The following ITPR2 variants were observed in gnomAD, a reference collection of about 807,000 sequenced individuals.
The protein encoded by ITPR2 is inositol 1,4,5-trisphosphate receptor type 2.
In ITPR2, 207 loss-of-function variants were observed where a neutral mutation model predicts 317.1. That is an observed-to-expected ratio of 0.65 (90% CI 0.58 to 0.73). The LOEUF (loss-of-function observed/expected upper bound fraction) is 0.73. ITPR2 is among the 30% of genes least tolerant of loss of function. The pLI, the probability that ITPR2 is intolerant of heterozygous loss-of-function variation, is 0.00. For synonymous variants in ITPR2, 1,156 were observed against 1,149.1 expected, an observed-to-expected ratio of 1.01 and a Z score of -0.12; for missense variants, 2,613 against 3,284.0, an observed-to-expected ratio of 0.80 and a Z score of 4.99.
chr12:26,619,454 A>C (rs1021817566), intron 26 of ITPR2, among the ~76,000 whole-genome samples: 1 of 152,150 alleles, frequency 6.6e-6, no homozygotes, highest in Non-Finnish European at 1.5e-5. Context: ...CTTTTACTTA[A>C]TCTAAACTAA....
At chr12:26,626,423 T>G (rs1380345313) in intron 23 of ITPR2, among the ~76,000 whole-genome samples, 1 of 152,006 alleles carries the variant, frequency 6.6e-6, no homozygotes, top group Non-Finnish European at 1.5e-5. Context: ...AGAGAAAGGG[T>G]TTTCTGGGGT....
At chr12:26,371,179 A>G (rs1204799263) in intron 55 of ITPR2, among the ~76,000 whole-genome samples, 1 of 152,184 alleles carries the variant, frequency 6.6e-6, no homozygotes, top group East Asian at 1.9e-4. Flanking sequence ...CTGATATTTC[A>G]GTCATTAAAA....
chr12:26,619,479 G>C (rs1006649874), intron 26 of ITPR2, among the ~76,000 whole-genome samples: 5 of 152,154 alleles, frequency 3.3e-5, no homozygotes, highest in Admixed American at 1.3e-4. Context: ...GTACTCCACT[G>C]GTGTAGAGTT....
At chr12:26,621,489 C>A (rs1033075497) in intron 25 of ITPR2, among the ~76,000 whole-genome samples, 193 bp from the exon 26 acceptor site, 2 of 152,020 alleles carry the variant, frequency 1.3e-5, no homozygotes, top group Admixed American at 1.3e-4. Flanking sequence ...TTAAAAGATA[C>A]CCTAACTTTA....
At chr12:26,502,601 G>A (rs1943094364) in intron 37 of ITPR2, among the ~76,000 whole-genome samples, 1 of 152,090 alleles carries the variant, frequency 6.6e-6, no homozygotes. Flanking sequence ...CCAAAGACTG[G>A]GGAAAATGGA....
chr12:26,529,929 T>C (rs2136957487), intron 37 of ITPR2, among the ~76,000 whole-genome samples: 1 of 152,356 alleles, frequency 6.6e-6, no homozygotes, highest in South Asian at 2.1e-4. Flanking sequence ...TTTGTTTTCT[T>C]TCACAACTGT....
In ITPR2 at chr12:26,487,052, T is replaced by C. The variant is rs1942686953; in HGVS notation, c.5554+16A>G. On this transcript the variant is annotated intron_variant, in intron 40 of 56. Transcript: ENST00000381340. ...TCTCTCACTCTGTTCTCCCAAATAC[T>C]CAAATACTTCTTTACCTCTCATTCG... 2.5e-6 allele frequency: 4 copies of C among 1,605,380 alleles called. No individual in the cohort carries two copies. Among genetic ancestry groups the C allele is most frequent in the Non-Finnish European group, 3.4e-6 (4 of 1,172,650 alleles).
intron 21 of ITPR2, among the ~76,000 whole-genome samples, chr12:26,640,946 C>T (rs74626178): frequency 6.3e-4 from 96 of 152,252 alleles, no homozygotes; most frequent in African/African-American, 2.3e-3. Context: ...AGATGTCTAA[C>T]TCAGATTATG....
chr12:26,406,337 T>C lies in ITPR2; in HGVS notation c.7399+4983A>G, dbSNP rs973308829. ...TACTTATAAAATAATTGTAATTGTA[T>C]TTTGTAAATTGTTGCAAAAAGGCCT... is the stretch of plus-strand genomic sequence containing the variant. On this transcript the variant is annotated intron_variant, in intron 52 of 56. Coordinates refer to ENST00000381340, the MANE Select transcript of ITPR2 (RefSeq NM_002223.4). 3 of 152,120 alleles carry C rather than the reference T, an allele frequency of 2.0e-5. No homozygotes were observed. In the East Asian group the frequency reaches 5.8e-4, roughly 29 times the overall value. 9.4% of individuals were successfully genotyped at this position (152,120 alleles called of 1,614,324 possible). A position where few individuals can be genotyped will look rare whatever the true frequency, so the allele number is the denominator to read the frequency against.
At chr12:26,531,516 C>T (rs551241890) in intron 37 of ITPR2, among the ~76,000 whole-genome samples, 2 of 152,304 alleles carry the variant, frequency 1.3e-5, no homozygotes, top group South Asian at 4.1e-4. Flanking sequence ...AAGCAATGCT[C>T]TGACAATTGT....
Position 26,622,226 on chromosome 12 carries a change from C to T in ITPR2, c.3288+14G>A, listed in dbSNP as rs1222509456. On this transcript the variant is annotated intron_variant, in intron 25 of 56. Transcript: ENST00000381340. ...GCTTTTGCTGTGGATGCATTGAGGGCTCTTCAATCTTACCTGCTTAAATGC... is the reference window on the plus strand; with the variant it reads ...GCTTTTGCTGTGGATGCATTGAGGGTTCTTCAATCTTACCTGCTTAAATGC... 3.1e-6 allele frequency: 5 copies of T among 1,599,886 alleles called. No individual in the cohort carries two copies. Among genetic ancestry groups the T allele is most frequent in the African/African-American group, 1.4e-5 (1 of 73,992 alleles).
chr12:26,501,918 T>C (rs1452682011), intron 37 of ITPR2, among the ~76,000 whole-genome samples: 4 of 152,194 alleles, frequency 2.6e-5, no homozygotes, highest in Admixed American at 1.3e-4. Flanking sequence ...TTTGATTCCA[T>C]TGGTGAAAAT....
chr12:26,708,934 C>T (rs555593217), intron 9 of ITPR2, among the ~76,000 whole-genome samples: 12 of 152,242 alleles, frequency 7.9e-5, no homozygotes, highest in African/African-American at 2.6e-4. Flanking sequence ...AAATAAAGAC[C>T]TGGGCATTTT....
chr12:26,667,919 C>CACG (rs3058696), intron 13 of ITPR2, among the ~76,000 whole-genome samples: 127,951 of 151,824 alleles, frequency 0.84, 53,961 homozygotes, highest in Admixed American at 0.89. Context: ...GATTGCAAAT[C>CACG]ACATGTCAAC....
Position 26,654,921 on chromosome 12 carries a change from C to G in ITPR2, c.2589+787G>C, listed in dbSNP as rs185733149. 3.8e-3 allele frequency among the ~76,000 whole-genome samples: 575 copies of G among 152,296 alleles called. 20 individuals carry two copies. Among genetic ancestry groups the G allele is most frequent in the Admixed American group, 0.037 (568 of 15,302 alleles). ...GCTTGCTGGCTACCCCATCACAGACCCTGAGCCAGAACCACCCAGCTAAGC... is the reference window on the plus strand; with the variant it reads ...GCTTGCTGGCTACCCCATCACAGACGCTGAGCCAGAACCACCCAGCTAAGC... On this transcript the variant is annotated intron_variant, in intron 20 of 56. Transcript: ENST00000381340.
chr12:26,803,539 T>C (rs1223323350), intron 1 of ITPR2, among the ~76,000 whole-genome samples: 1 of 152,216 alleles, frequency 6.6e-6, no homozygotes, highest in Non-Finnish European at 1.5e-5. Context: ...CAGCAAACCA[T>C]AAAGTAACAT....
rs1158067184 is a variant in ITPR2 at position 26,695,626 on chromosome 12, G to A, written c.976C>T (p.Gln326Ter). ...CTCACCACATTTTTTCCTTCATTTTGGGCATCTCGATAATCAGGATTAAGC... is the reference window on the plus strand; with the variant it reads ...CTCACCACATTTTTTCCTTCATTTTAGGCATCTCGATAATCAGGATTAAGC... ...AELNPDYRDA[Q>*]NEGKNVRDGV... Residue 326 changes from glutamine to a stop codon, truncating the protein, a stop_gained, in exon 10 of 57, where the codon CAA (glutamine) becomes TAA (stop). Coordinates refer to ENST00000381340, the MANE Select transcript of ITPR2 (RefSeq NM_002223.4). LOFTEE classifies it high-confidence loss of function. The A allele has an allele frequency of 6.2e-7, 1 of 1,612,600 alleles. No homozygotes were observed. Among genetic ancestry groups the A allele is most frequent in the Admixed American group, 1.7e-5 (1 of 59,916 alleles).
At chr12:26,687,483 T>A (rs1948149756) in intron 10 of ITPR2, among the ~76,000 whole-genome samples, 1 of 152,050 alleles carries the variant, frequency 6.6e-6, no homozygotes, top group African/African-American at 2.4e-5. Flanking sequence ...TGAATGAAAC[T>A]GAGGGAAGGA....
intron 11 of ITPR2, among the ~76,000 whole-genome samples, chr12:26,684,568 A>T (rs1389823178): frequency 1.3e-5 from 2 of 152,244 alleles, no homozygotes; most frequent in African/African-American, 4.8e-5. Context: ...AATAGTAGTT[A>T]TTAAGCATTA....
Sources: gnomAD v4.1 joint callset for allele counts (sites outside exome capture counted in the v4.1 genomes callset) on GRCh38, gnomAD v4.1.1 for gene constraint, MANE v1.5 for transcripts, NCBI Gene and HGNC (gene_info 2026-07-23, HGNC 2026-07-21) for gene names.